The following PCNX4 variants were observed in gnomAD, a reference collection of about 807,000 sequenced individuals.
PCNX4 encodes pecanex-like protein 4.
Under a neutral mutation model 107.2 loss-of-function variants are expected in PCNX4, and 103 were observed. The ratio of observed to expected loss-of-function variants is 0.96; its 90% CI spans 0.82 to 1.13. The LOEUF is 1.13. PCNX4 is among the 50% of genes most tolerant of loss of function. The pLI is 0.00. For synonymous variants in PCNX4, 541 were observed against 481.7 expected (o/e 1.12, Z -1.61); for missense variants, 1,528 against 1,379.4 (o/e 1.11, Z -1.71).
chr14:60,121,871 G>A (rs973215167), intron 8 of PCNX4, among the ~76,000 whole-genome samples: 10 of 152,058 alleles, frequency 6.6e-5, no homozygotes, highest in African/African-American at 2.2e-4. Flanking sequence ...AGTCTTATTC[G>A]AACCATCAGC....
At chr14:60,107,372 C>G (rs1359423594) in intron 1 of PCNX4, among the ~76,000 whole-genome samples, 3 of 152,112 alleles carry the variant, frequency 2.0e-5, no homozygotes, top group Non-Finnish European at 2.9e-5. Context: ...GAGTGATACC[C>G]TCTCTCAAAA....
At chr14:60,131,210 C>G (rs568114036) in intron 10 of PCNX4, among the ~76,000 whole-genome samples, 3 of 152,206 alleles carry the variant, frequency 2.0e-5, no homozygotes, top group Admixed American at 2.0e-4. Flanking sequence ...CCAGCCTGAG[C>G]TAAGACACCA....
Position 60,124,775 on chromosome 14 carries a change from C to T in PCNX4, c.2604C>T (p.Gly868=), listed in dbSNP as rs1302657992. ...AGAGGGTTGGTGATCATTCTACAGG[C>T]ACTGTTCCTGAAAACGATCTTTACA... ...ESQRVGDHST[G]TVPENDLYKA... is the part of the protein sequence containing the mutation. Residue 868 remains glycine, a synonymous_variant, in exon 9 of 11, where the codon GGC becomes GGT. Transcript: ENST00000406854. The T allele has an allele frequency of 6.2e-7, 1 of 1,613,170 alleles. No homozygotes were observed. Among genetic ancestry groups the T allele is most frequent in the East Asian group, 2.2e-5 (1 of 44,896 alleles).
In PCNX4 at chr14:60,115,099, T is replaced by C. The variant is rs773265518; in HGVS notation, c.995T>C (p.Met332Thr). The change falls in exon 4 of 11, where the codon ATG (methionine) becomes ACG (threonine). Residue 332 changes from methionine to threonine, a missense_variant. Coordinates refer to ENST00000406854, the MANE Select transcript of PCNX4 (RefSeq NM_001330177.2). ...TTGCTGAGTCTGAACTTAAGTGATA[T>C]GGGTCACAAAATTGGAACCAAATCT... Reference protein sequence around the residue: ...GFLLSLNLSDMGHKIGTKSKD... With the variant: ...GFLLSLNLSDTGHKIGTKSKD... 3.1e-6 allele frequency: 5 copies of C among 1,613,944 alleles called. No individual in the cohort carries two copies. Among genetic ancestry groups the C allele is most frequent in the South Asian group, 1.1e-5 (1 of 91,076 alleles).
rs996988430 is a variant in PCNX4, at chr14:60,135,455, T to G, written c.*1234T>G. The G allele has an allele frequency of 5.3e-5, 8 of 152,236 alleles. No individual in the cohort carries two copies. Among genetic ancestry groups the G allele is most frequent in the African/African-American group, 1.9e-4 (8 of 41,464 alleles). The allele number at this position is 152,236 out of a possible 1,614,324, so 9.4% of individuals were successfully genotyped here. On this transcript the variant is annotated 3_prime_UTR_variant, in exon 11 of 11. Transcript: ENST00000406854. ...ACTCTGAGTTTACATCTCAGACTTA[T>G]GATTTAATTTACATGATTGAGATTT...
chr14:60,093,176 T>A (rs1190519366), intron 1 of PCNX4, among the ~76,000 whole-genome samples: 1 of 152,228 alleles, frequency 6.6e-6, no homozygotes, highest in East Asian at 1.9e-4. Context: ...TATTAACTGC[T>A]GTGGAAAATA....
rs1896439528 is a variant in PCNX4 at position 60,147,533 on chromosome 14, A to G, written c.*13312A>G. 6.6e-6 allele frequency: 1 copy of G among 152,190 alleles called. No homozygotes were observed. Among genetic ancestry groups the G allele is most frequent in the Admixed American group, 6.5e-5 (1 of 15,280 alleles). The allele number at this position is 152,190 out of a possible 1,614,324, so 9.4% of individuals were successfully genotyped here. On this transcript the variant is annotated 3_prime_UTR_variant, in exon 11 of 11. Transcript: ENST00000406854. Reference sequence around the variant, plus strand: ...GTGTCAATTATAAAGAAAATCTTTGATCATTAAGGAAGCTGAATATCCTGC... The same window carrying G: ...GTGTCAATTATAAAGAAAATCTTTGGTCATTAAGGAAGCTGAATATCCTGC...
At chr14:60,099,657 T>G (rs890934254) in intron 1 of PCNX4, among the ~76,000 whole-genome samples, 15 of 152,216 alleles carry the variant, frequency 9.9e-5, no homozygotes, top group African/African-American at 3.4e-4. Context: ...AATTTATCTT[T>G]TAGCTGTTTC....
In PCNX4 at chr14:60,108,025, T is replaced by C. The variant is rs1327946254; in HGVS notation, c.387T>C (p.Phe129=). Residue 129 remains phenylalanine (F), a synonymous_variant, in exon 2 of 11, where the codon TTT becomes TTC. Coordinates refer to ENST00000406854, the MANE Select transcript of PCNX4 (RefSeq NM_001330177.2). ...GTACTGGTGCTGAGACTGTCAAATT[T>C]CTCATTCCTGGCAAGAAATATGTAG... ...TSCTGAETVK[F]LIPGKKYVAN... 2.5e-6 allele frequency: 4 copies of C among 1,612,764 alleles called. No homozygotes were observed. The African/African-American group carries it at 4.0e-5, about 16-fold the overall frequency.
intron 10 of PCNX4, 24 bp from the exon 11 acceptor site, chr14:60,133,946 C>T (rs1896200405): frequency 1.3e-6 from 2 of 1,595,102 alleles, no homozygotes; most frequent in Non-Finnish European, 1.7e-6. Context: ...TTTTTCTCCT[C>T]CTCCTACCCT....
At chr14:60,093,499 A>G (rs1895352803) in intron 1 of PCNX4, among the ~76,000 whole-genome samples, 1 of 152,250 alleles carries the variant, frequency 6.6e-6, no homozygotes, top group Non-Finnish European at 1.5e-5. Flanking sequence ...TGTGTTTTCA[A>G]GGTTCAGCCA....
intron 1 of PCNX4, among the ~76,000 whole-genome samples, chr14:60,094,388 A>G (rs1023740130): frequency 6.6e-5 from 10 of 152,316 alleles, no homozygotes; most frequent in Middle Eastern, 3.4e-3. Flanking sequence ...TTGTTAGTCC[A>G]AACTGCACCA....
chr14:60,098,225 G>C (rs1895463968), intron 1 of PCNX4, among the ~76,000 whole-genome samples: 1 of 151,888 alleles, frequency 6.6e-6, no homozygotes, highest in African/African-American at 2.4e-5. Context: ...TCTGACCAGA[G>C]ACATTCCAAC....
At chr14:60,101,081 C>T (rs1269044907) in intron 1 of PCNX4, among the ~76,000 whole-genome samples, 1 of 152,204 alleles carries the variant, frequency 6.6e-6, no homozygotes, top group Non-Finnish European at 1.5e-5. Context: ...CTGAACATTT[C>T]TTTTCTGTTG....
At chr14:60,126,481 G>A (rs1896057643) in intron 10 of PCNX4, among the ~76,000 whole-genome samples, 1 of 152,022 alleles carries the variant, frequency 6.6e-6, no homozygotes, top group Admixed American at 6.6e-5. Context: ...TCTCCTAAGG[G>A]CATACAGCAA....
At chr14:60,132,947 A>G (rs1896181835) in intron 10 of PCNX4, among the ~76,000 whole-genome samples, 1 of 152,192 alleles carries the variant, frequency 6.6e-6, no homozygotes, top group Non-Finnish European at 1.5e-5. Flanking sequence ...TCTGAAAATA[A>G]GTGTTAACAA....
At chr14:60,096,496 C>G (rs1319503787) in intron 1 of PCNX4, among the ~76,000 whole-genome samples, 1 of 152,188 alleles carries the variant, frequency 6.6e-6, no homozygotes, top group Non-Finnish European at 1.5e-5. Flanking sequence ...AAAAGGTTTG[C>G]TGGTTTTGGC....
chr14:60,121,159 T>C, intron 7 of PCNX4, 37 bp from the exon 8 acceptor site: 1 of 1,547,448 alleles, frequency 6.5e-7, no homozygotes. Context: ...GAAAATGATT[T>C]TCTTTTTTTT....
chr14:60,116,838 A>G (rs1263563401), intron 6 of PCNX4, among the ~76,000 whole-genome samples: 1 of 152,218 alleles, frequency 6.6e-6, no homozygotes, highest in Non-Finnish European at 1.5e-5. Flanking sequence ...CAAGATGTGA[A>G]GGTGGAAGAC....
Sources: gnomAD v4.1 joint callset for allele counts (sites outside exome capture counted in the v4.1 genomes callset) on GRCh38, gnomAD v4.1.1 for gene constraint, MANE v1.5 for transcripts, NCBI Gene and HGNC (gene_info 2026-07-23, HGNC 2026-07-21) for gene names.